ZNF560: variants seen among roughly 807,000 people sequenced by gnomAD.
The protein encoded by ZNF560 is zinc finger protein 560.
ZNF560 carries 54 observed loss-of-function variants against 81.8 expected under a neutral mutation model. The observed-to-expected ratio is 0.66, with a 90% CI of 0.53 to 0.83. The LOEUF is 0.83. ZNF560 is among the 40% of genes least tolerant of loss of function. The probability of loss-of-function intolerance (pLI) is 0.00; values close to 1 mark genes in which losing one functional copy is unlikely to be tolerated. For missense variants in ZNF560, 940 were observed against 932.4 expected (o/e 1.01, Z -0.11); for synonymous variants, 321 against 317.9 (o/e 1.01, Z -0.10).
At chr19:9,457,590 G>C in the ZNF560 span, among the ~76,000 whole-genome samples, 2 of 152,074 alleles carry the variant, frequency 1.3e-5, no homozygotes, top group Admixed American at 6.5e-5. Context: ...CCAATGTTAC[G>C]GTCACTTGGA....
At chr19:9,485,058 G>C (rs1039429880) in intron 2 of ZNF560, among the ~76,000 whole-genome samples, 2 of 152,026 alleles carry the variant, frequency 1.3e-5, no homozygotes, top group Non-Finnish European at 2.9e-5. Flanking sequence ...GAGAAAATCT[G>C]AACAGACCAA....
the ZNF560 span, among the ~76,000 whole-genome samples, chr19:9,445,958 T>C: frequency 7.2e-5 from 11 of 152,258 alleles, no homozygotes; most frequent in African/African-American, 2.6e-4. Flanking sequence ...ACCACAGGAT[T>C]GCTTGGAGGC....
chr19:9,480,064 A>C (rs1162999244), intron 2 of ZNF560, among the ~76,000 whole-genome samples: 1 of 152,234 alleles, frequency 6.6e-6, no homozygotes, highest in African/African-American at 2.4e-5. Flanking sequence ...CGGACAGATC[A>C]TTCAGACAGA....
the ZNF560 span, among the ~76,000 whole-genome samples, chr19:9,455,053 A>C: frequency 0.57 from 87,072 of 151,840 alleles, 25,726 homozygotes; most frequent in African/African-American, 0.7. Flanking sequence ...GTTCGAGCAG[A>C]GCCCCGAGTG....
chr19:9,459,737 A>G, the ZNF560 span, among the ~76,000 whole-genome samples: 2 of 152,188 alleles, frequency 1.3e-5, no homozygotes, highest in Non-Finnish European at 2.9e-5. Context: ...ATGGTTTAGC[A>G]TATGCTCTGC....
chr19:9,502,205 C>T (rs1398378552), upstream of ZNF560, among the ~76,000 whole-genome samples: 5 of 151,530 alleles, frequency 3.3e-5, 1 homozygote, highest in South Asian at 6.3e-4. Flanking sequence ...TGTTTTGTTT[C>T]GGTTTGGTTT....
intron 2 of ZNF560, among the ~76,000 whole-genome samples, chr19:9,492,688 C>T (rs2073491276): frequency 1.3e-5 from 2 of 152,156 alleles, no homozygotes; most frequent in African/African-American, 4.8e-5. Flanking sequence ...TGGGAGACAA[C>T]CTCTGAAAGA....
chr19:9,452,729 A>G, the ZNF560 span, among the ~76,000 whole-genome samples: 4 of 152,308 alleles, frequency 2.6e-5, no homozygotes, highest in African/African-American at 9.6e-5. Flanking sequence ...AACAATAGAC[A>G]CTGGAGACTA....
the ZNF560 span, among the ~76,000 whole-genome samples, chr19:9,457,591 G>C: frequency 5.9e-5 from 9 of 152,250 alleles, no homozygotes; most frequent in South Asian, 1.5e-3. Flanking sequence ...CAATGTTACG[G>C]TCACTTGGAG....
intron 2 of ZNF560, among the ~76,000 whole-genome samples, chr19:9,496,905 C>G (rs2073567878): frequency 6.6e-6 from 1 of 151,764 alleles, no homozygotes. Flanking sequence ...CACTGCACTC[C>G]ACCCTGGCGA....
chr19:9,499,909 T>A (rs2144737947), upstream of ZNF560, among the ~76,000 whole-genome samples: 1 of 152,314 alleles, frequency 6.6e-6, no homozygotes, highest in African/African-American at 2.4e-5. Context: ...CAAAACTAAT[T>A]TTCATCTCTT....
Position 9,468,210 on chromosome 19 carries a change from T to C in ZNF560, c.737A>G (p.Gln246Arg). 1.2e-6 allele frequency: 2 copies of C among 1,614,194 alleles called. No individual in the cohort carries two copies. Among genetic ancestry groups the C allele is most frequent in the Non-Finnish European group, 1.7e-6 (2 of 1,180,024 alleles). ...QNRGNTSECIQYAKDLLSLYN... is the reference protein window; with the variant it reads ...QNRGNTSECIRYAKDLLSLYN... ...TAGAGAAAGGAGGTCTTTTGCATAC[T>C]GAATACATTCAGACGTGTTGCCTCT... Residue 246 changes from glutamine (Q) to arginine (R), a missense_variant, in exon 10 of 10, where the codon CAG (glutamine) becomes CGG (arginine). Gln to Arg is a conservative substitution (Grantham distance 43, BLOSUM62 1). Coordinates refer to ENST00000301480, the MANE Select transcript of ZNF560 (RefSeq NM_152476.3).
At chr19:9,496,623 G>C (rs929451478) in intron 2 of ZNF560, among the ~76,000 whole-genome samples, 1 of 149,348 alleles carries the variant, frequency 6.7e-6, no homozygotes, top group African/African-American at 2.5e-5. Flanking sequence ...AGGGAGGAAG[G>C]CAAGAAAAAC....
At chr19:9,504,319 C>T in the ZNF560 span, among the ~76,000 whole-genome samples, 2 of 152,058 alleles carry the variant, frequency 1.3e-5, no homozygotes, top group Admixed American at 1.3e-4. Flanking sequence ...CCTGTAATCC[C>T]AGCTACTTGG....
chr19:9,501,955 C>A (rs1208468864), upstream of ZNF560, among the ~76,000 whole-genome samples: 1 of 151,746 alleles, frequency 6.6e-6, no homozygotes, highest in African/African-American at 2.4e-5. Flanking sequence ...GACTTTGAGA[C>A]CTGCCTGGCC....
chr19:9,466,451 C>T lies in ZNF560; in HGVS notation c.*123G>A. On this transcript the variant is annotated 3_prime_UTR_variant, in exon 10 of 10. Coordinates refer to ENST00000301480, the MANE Select transcript of ZNF560 (RefSeq NM_152476.3). ...ACATATCTAGAAAGATTCAACTGTT[C>T]AGGCTTTCTCACATTCCTTACATTG... 1 of 874,898 alleles carries T rather than the reference C, an allele frequency of 1.1e-6. No individual in the cohort carries two copies. The highest frequency in any genetic ancestry group is 1.8e-6 in the Non-Finnish European group (1 of 571,258). 54.2% of individuals were successfully genotyped at this position (874,898 alleles called of 1,614,324 possible).
rs1397098095 is a variant in ZNF560 at position 9,466,847 on chromosome 19, A to G, written c.2100T>C (p.His700=). Residue 700 remains histidine, a synonymous_variant, in exon 10 of 10, where the codon CAT becomes CAC. Transcript: ENST00000301480. ...GNSFRNSMCF[H]DRLKTLTKIK... ...TTTTGGTGAGAGTTTTTAAGCGATC[A>G]TGAAAGCACATGGAATTTCGAAAGG... is the stretch of plus-strand genomic sequence containing the variant. The G allele has an allele frequency of 6.2e-7, 1 of 1,614,130 alleles. No individual in the cohort carries two copies. The highest frequency in any genetic ancestry group is 2.2e-5 in the East Asian group (1 of 44,866).
chr19:9,458,032 T>C, the ZNF560 span, among the ~76,000 whole-genome samples: 1 of 152,216 alleles, frequency 6.6e-6, no homozygotes, highest in Non-Finnish European at 1.5e-5. Context: ...TCTTGTGGCG[T>C]AGCTTTTCCT....
Position 9,474,334 on chromosome 19 carries a change from T to C in ZNF560, c.31-9A>G. The C allele has an allele frequency of 6.2e-7, 1 of 1,605,494 alleles. No homozygotes were observed. Among genetic ancestry groups the C allele is most frequent in the Non-Finnish European group, 8.5e-7 (1 of 1,175,286 alleles). On this transcript the variant is annotated splice_polypyrimidine_tract_variant and intron_variant, in intron 3 of 9. Coordinates refer to ENST00000301480, the MANE Select transcript of ZNF560 (RefSeq NM_152476.3). The stretch of plus-strand genomic sequence containing the variant: ...TCAAAGGTCACGGAGTACTAAACCA[T>C]CACATACATGTTGATTTGAGCCAAG...
Sources: allele counts gnomAD v4.1 joint callset (sites outside exome capture counted in the v4.1 genomes callset), GRCh38; gene constraint gnomAD v4.1.1; transcripts MANE v1.5; gene names NCBI Gene and HGNC (gene_info 2026-07-23, HGNC 2026-07-21).